The following DNAH3 variants were observed in gnomAD, a reference collection of about 807,000 sequenced individuals.
The protein encoded by DNAH3 is dynein axonemal heavy chain 3.
A neutral mutation model predicts 432.5 loss-of-function variants in DNAH3; 332 were observed. The observed-to-expected ratio is 0.77, with a 90% CI of 0.70 to 0.84. DNAH3 has a LOEUF of 0.84. Among genes scored for constraint, DNAH3 ranks in the 40% least tolerant of loss-of-function variants. The pLI is 0.00. For missense variants in DNAH3, 4,861 were observed against 5,114.0 expected (o/e 0.95, Z 1.51); for synonymous variants, 1,956 against 1,900.2 (o/e 1.03, Z -0.76).
At chr16:21,095,724 A>C (rs983706588) in intron 18 of DNAH3, among the ~76,000 whole-genome samples, 1 of 152,232 alleles carries the variant, frequency 6.6e-6, no homozygotes, top group Non-Finnish European at 1.5e-5. Context: ...AAATGTTTTT[A>C]AAATACAATA....
intron 7 of DNAH3, among the ~76,000 whole-genome samples, chr16:21,130,910 T>C (rs575669476): frequency 6.6e-6 from 1 of 152,324 alleles, no homozygotes; most frequent in South Asian, 2.1e-4. Context: ...TTTTAGCTCA[T>C]AAACACGCTT....
At chr16:21,049,490 G>A in intron 31 of DNAH3, 79 bp downstream of exon 31, 2 of 1,132,654 alleles carry the variant, frequency 1.8e-6, no homozygotes, top group Non-Finnish European at 2.6e-6. Flanking sequence ...ATAAGGCCCT[G>A]TTATTAAGGG....
At chr16:21,068,511 C>T (rs1162300287) in intron 23 of DNAH3, among the ~76,000 whole-genome samples, 2 of 152,166 alleles carry the variant, frequency 1.3e-5, no homozygotes, top group Admixed American at 6.6e-5. Flanking sequence ...GACGGGGTTT[C>T]ACCATGTTAT....
At chr16:21,033,918 C>T (rs2089024492) in intron 36 of DNAH3, 56 bp downstream of exon 36, 2 of 1,282,314 alleles carry the variant, frequency 1.6e-6, no homozygotes, top group Admixed American at 1.8e-5. Flanking sequence ...TCCATGGAGC[C>T]AGCCAACTGA....
intron 42 of DNAH3, 47 bp downstream of exon 42, chr16:21,003,057 G>T: frequency 8.1e-7 from 1 of 1,227,712 alleles, no homozygotes; most frequent in Non-Finnish European, 1.2e-6. Flanking sequence ...AGAATATTTG[G>T]ATGATTCTGG....
At chr16:21,067,768 G>GAGGGA (rs1567732519) in intron 23 of DNAH3, among the ~76,000 whole-genome samples, 2 of 26,276 alleles carry the variant, frequency 7.6e-5, no homozygotes, top group Non-Finnish European at 1.4e-4. Context: ...GGGGGGGGGG[G>GAGGGA]TGGGGAGGGA....
At chr16:21,130,460 A>G (rs1333027714) in intron 7 of DNAH3, among the ~76,000 whole-genome samples, 1 of 151,842 alleles carries the variant, frequency 6.6e-6, no homozygotes, top group African/African-American at 2.4e-5. Flanking sequence ...ACACACCATC[A>G]CGCCTGGCTA....
chr16:21,012,615 T>C (rs980313746), intron 41 of DNAH3, among the ~76,000 whole-genome samples: 8 of 152,206 alleles, frequency 5.3e-5, no homozygotes, highest in Non-Finnish European at 1.2e-4. Context: ...AGTAGGAATA[T>C]AGTGAAACTG....
intron 2 of DNAH3, among the ~76,000 whole-genome samples, chr16:21,145,660 CTT>C (rs1297469864): frequency 2.0e-5 from 3 of 152,180 alleles, no homozygotes; most frequent in African/African-American, 4.8e-5. Context: ...CATCTCTGGT[CTT>C]TATTCCTTAT....
intron 53 of DNAH3, among the ~76,000 whole-genome samples, chr16:20,962,191 A>T (rs79968670): frequency 0.07 from 10,566 of 151,642 alleles, 520 homozygotes; most frequent in East Asian, 0.14. Context: ...AATAATAATT[A>T]AAAAAAATAA....
At chr16:21,036,656 G>C in intron 35 of DNAH3, 58 bp downstream of exon 35, 2 of 1,520,884 alleles carry the variant, frequency 1.3e-6, no homozygotes, top group South Asian at 2.4e-5. Context: ...AGACTTTACT[G>C]TTTGCTGACT....
At chr16:21,105,046 A>G (rs184567880) in intron 15 of DNAH3, among the ~76,000 whole-genome samples, 92 of 152,324 alleles carry the variant, frequency 6.0e-4, no homozygotes, top group Non-Finnish European at 1.1e-3. Flanking sequence ...TATCAAAGCC[A>G]AATGCCCTAC....
intron 28 of DNAH3, 76 bp downstream of exon 28, chr16:21,054,344 A>G (rs1416335550): frequency 2.6e-6 from 3 of 1,136,230 alleles, no homozygotes; most frequent in Non-Finnish European, 3.9e-6. Context: ...TATTCCGTCC[A>G]GGAGAACTGA....
rs891430869 is a variant in DNAH3, at chr16:21,159,001, AAC to A, written c.117+322_117+323del. On this transcript the variant is annotated intron_variant, in intron 1 of 61. Transcript: ENST00000261383. ...ATGCACACTCACCCCGCCACCCCCCAACACACACACACATACACACACACACT... is the reference window on the plus strand; with the variant it reads ...ATGCACACTCACCCCGCCACCCCCCAACACACACACATACACACACACACT... Among the ~76,000 whole-genome samples, 4 of 137,944 alleles carry A rather than the reference AAC, an allele frequency of 2.9e-5. No individual in the cohort carries two copies. In the South Asian group the frequency reaches 7.0e-4, roughly 24 times the overall value. 90.5% of individuals were successfully genotyped at this position (137,944 alleles called of 152,430 possible).
At chr16:21,067,392 C>T (rs925234462) in exon 24 of DNAH3, 1 of 1,613,796 alleles carries the variant, frequency 6.2e-7, no homozygotes, top group African/African-American at 1.3e-5. Context: ...GGCTGGTCGG[C>T]TGCCACCAGA....
At chr16:21,038,313 A>G (rs2152730219) in intron 33 of DNAH3, among the ~76,000 whole-genome samples, 1 of 152,286 alleles carries the variant, frequency 6.6e-6, no homozygotes, top group African/African-American at 2.4e-5. Flanking sequence ...CCAGGAGTCC[A>G]AGCCCAGCTT....
At position 21,104,456 on chromosome 16, in the gene DNAH3, A is replaced by G; in HGVS notation, c.2366+15T>C. 6.2e-7 allele frequency: 1 copy of G among 1,611,046 alleles called. No homozygotes were observed. Among genetic ancestry groups the G allele is most frequent in the Non-Finnish European group, 8.5e-7 (1 of 1,177,274 alleles). On this transcript the variant is annotated intron_variant, in intron 16 of 61. Coordinates refer to ENST00000261383, the Ensembl canonical transcript of DNAH3. ...CAGGTCTCATTTCCAAGACAATCCC[A>G]GACTCTCCCGGTACCTTTTAATCAG...
intron 59 of DNAH3, among the ~76,000 whole-genome samples, chr16:20,938,688 G>A (rs3912914): frequency 0.63 from 88,950 of 140,114 alleles, 29,343 homozygotes; most frequent in Non-Finnish European, 0.74. Context: ...AAAAAAAAAA[G>A]GGAAAGAAAA....
intron 29 of DNAH3, among the ~76,000 whole-genome samples, chr16:21,050,367 CAT>C (rs1391052842): frequency 1.3e-5 from 2 of 152,164 alleles, no homozygotes; most frequent in African/African-American, 4.8e-5. Context: ...TGAGAATACT[CAT>C]AAACTCTACA....
Sources: gnomAD v4.1 joint callset for allele counts (sites outside exome capture counted in the v4.1 genomes callset) on GRCh38, gnomAD v4.1.1 for gene constraint, MANE v1.5 for transcripts, NCBI Gene and HGNC (gene_info 2026-07-23, HGNC 2026-07-21) for gene names.